Variants in CPEB3 observed in about 807,000 individuals in gnomAD.
CPEB3 encodes the protein cytoplasmic polyadenylation element-binding protein 3.
Under a neutral mutation model 67.2 loss-of-function variants are expected in CPEB3, and 20 were observed. The ratio of observed to expected loss-of-function variants is 0.30; its 90% CI spans 0.21 to 0.43. CPEB3 has a LOEUF of 0.43. Ranked by LOEUF, CPEB3 falls within the 20% of genes least tolerant of loss-of-function variation. The pLI, the probability that CPEB3 is intolerant of heterozygous loss-of-function variation, is 1.00. For synonymous variants in CPEB3, 376 were observed against 393.1 expected (o/e 0.96, Z 0.51); for missense variants, 746 against 968.6 (o/e 0.77, Z 3.05).
chr10:92,161,305 C>G (rs1702929759), intron 4 of CPEB3, among the ~76,000 whole-genome samples: 2 of 151,592 alleles, frequency 1.3e-5, no homozygotes, highest in South Asian at 4.2e-4. Flanking sequence ...GAGTTTCGCC[C>G]TTGTTGCCCA....
At chr10:92,238,463 G>A (rs1851645599) in intron 2 of CPEB3, among the ~76,000 whole-genome samples, 1 of 152,040 alleles carries the variant, frequency 6.6e-6, no homozygotes, top group Non-Finnish European at 1.5e-5. Flanking sequence ...CATTAAAGTT[G>A]CAAGACTTTC....
intron 4 of CPEB3, among the ~76,000 whole-genome samples, chr10:92,155,060 T>TTAG (rs1847140314): frequency 6.6e-6 from 1 of 152,034 alleles, no homozygotes; most frequent in Admixed American, 6.6e-5. Context: ...AATACAAAAA[T>TTAG]TAGCCGGGTA....
intron 6 of CPEB3, among the ~76,000 whole-genome samples, chr10:92,120,506 C>T (rs891667614): frequency 7.9e-5 from 12 of 151,988 alleles, no homozygotes; most frequent in African/African-American, 2.9e-4. Flanking sequence ...ATGGCCAGAA[C>T]CCAGGAGGCG....
chr10:92,275,579 G>C lies in CPEB3; in HGVS notation c.-12+15347C>G, dbSNP rs374854277. ...CTCACTTAAAGTGTACAATTCAGTG[G>C]CTTTTAGTATATTCAGAGTTGTGCA... On this transcript the variant is annotated intron_variant, in intron 1 of 9. Coordinates refer to ENST00000265997, the MANE Select transcript of CPEB3 (RefSeq NM_014912.5). 2.0e-5 allele frequency among the ~76,000 whole-genome samples: 3 copies of C among 152,112 alleles called. No individual in the cohort carries two copies. In the East Asian group the frequency reaches 5.8e-4, roughly 29 times the overall value.
chr10:92,216,878 A>T, intron 2 of CPEB3: 1 of 1,244,256 alleles, frequency 8.0e-7, no homozygotes, highest in Admixed American at 1.9e-5. Context: ...GCCCACCCAC[A>T]CTGACGGCAT....
rs749285662 is a variant in CPEB3 at position 92,289,718 on chromosome 10, C to CAAAAAAAAAAAA, written c.-12+1196_-12+1207dup. Among the ~76,000 whole-genome samples the CAAAAAAAAAAAA allele has an allele frequency of 9.8e-3, 303 of 30,788 alleles. 25 individuals are homozygous for CAAAAAAAAAAAA. The highest frequency in any genetic ancestry group is 0.021 in the Admixed American group (34 of 1,614). The allele number at this position is 30,788 out of a possible 152,430, so 20.2% of individuals were successfully genotyped here. A position where few individuals can be genotyped will look rare whatever the true frequency, so the allele number is the denominator to read the frequency against. ...CAACATGGCGAGACCGCGTCTCTAC[C>CAAAAAAAAAAAA]AAAAAAAAAAAAAAATATATATATA... On this transcript the variant is annotated intron_variant, in intron 1 of 9. Coordinates refer to ENST00000265997, the MANE Select transcript of CPEB3 (RefSeq NM_014912.5).
At chr10:92,261,746 GC>G (rs1360325622) in intron 1 of CPEB3, among the ~76,000 whole-genome samples, 1 of 152,132 alleles carries the variant, frequency 6.6e-6, no homozygotes, top group African/African-American at 2.4e-5. Context: ...ACCACACCTA[GC>G]CTCTTTTTTC....
intron 4 of CPEB3, among the ~76,000 whole-genome samples, chr10:92,147,726 G>A (rs1037875829): frequency 3.9e-5 from 6 of 152,128 alleles, no homozygotes; most frequent in Non-Finnish European, 8.8e-5. Context: ...GGCGGGGAGA[G>A]ATTTTTAGAG....
Position 92,111,069 on chromosome 10 carries a change from T to C in CPEB3, c.1572+7A>G. ...GGAAAAGCAACAGCTGGCCATGTAT[T>C]ACTTACTGGCTTGTCCTTGATGGTG... On this transcript the variant is annotated splice_region_variant and intron_variant, in intron 7 of 9. Transcript: ENST00000265997. 6.3e-7 allele frequency: 1 copy of C among 1,581,922 alleles called. No homozygotes were observed. Among genetic ancestry groups the C allele is most frequent in the Non-Finnish European group, 8.7e-7 (1 of 1,150,640 alleles).
intron 6 of CPEB3, among the ~76,000 whole-genome samples, chr10:92,122,941 A>C (rs1313183081): frequency 6.6e-6 from 1 of 152,228 alleles, no homozygotes; most frequent in Non-Finnish European, 1.5e-5. Context: ...TCAGAACTAA[A>C]CATATTTCTT....
intron 1 of CPEB3, among the ~76,000 whole-genome samples, chr10:92,284,084 G>A (rs1334539230): frequency 6.9e-6 from 1 of 144,340 alleles, no homozygotes; most frequent in Non-Finnish European, 1.5e-5. Flanking sequence ...CTGTCACCAG[G>A]CTGGAGTGCA....
At chr10:92,088,850 GA>G in intron 8 of CPEB3, among the ~76,000 whole-genome samples, 1 of 152,204 alleles carries the variant, frequency 6.6e-6, no homozygotes, top group East Asian at 1.9e-4. Flanking sequence ...TCCATAACTA[GA>G]ATATCCCTTG....
At chr10:92,211,129 T>C (rs1052807816) in intron 2 of CPEB3, among the ~76,000 whole-genome samples, 3 of 152,174 alleles carry the variant, frequency 2.0e-5, no homozygotes, top group Non-Finnish European at 4.4e-5. Context: ...AGTGAGAATA[T>C]ATGTAAAATG....
intron 2 of CPEB3, among the ~76,000 whole-genome samples, chr10:92,198,275 G>A (rs1208805822): frequency 6.6e-6 from 1 of 152,092 alleles, no homozygotes; most frequent in East Asian, 1.9e-4. Context: ...ATTCTCTCTA[G>A]CCTTACATCC....
intron 3 of CPEB3, among the ~76,000 whole-genome samples, chr10:92,181,367 C>CAAAA (rs55896574): frequency 7.6e-3 from 723 of 94,528 alleles, no homozygotes; most frequent in Middle Eastern, 0.018. Context: ...ATTCAAGCAG[C>CAAAA]AAAAAAAAAA....
intron 4 of CPEB3, among the ~76,000 whole-genome samples, chr10:92,170,425 G>A (rs554735559): frequency 2.6e-5 from 4 of 152,090 alleles, no homozygotes; most frequent in Non-Finnish European, 4.4e-5. Context: ...AACAAACCTC[G>A]GTAAAGAATT....
chr10:92,059,329 A>AAAAAAAAAAAC (rs1195613594), intron 9 of CPEB3, among the ~76,000 whole-genome samples: 1 of 150,736 alleles, frequency 6.6e-6, no homozygotes, highest in African/African-American at 2.4e-5. Context: ...CTCTGTCAAA[A>AAAAAAAAAAAC]AAAAAACAAA....
At chr10:92,085,358 T>TGATC (rs906836611) in intron 8 of CPEB3, among the ~76,000 whole-genome samples, 1 of 152,212 alleles carries the variant, frequency 6.6e-6, no homozygotes, top group African/African-American at 2.4e-5. Flanking sequence ...AGATGCTCTG[T>TGATC]GATCCTAAGA....
chr10:92,139,621 GATA>G (rs1846296295), intron 6 of CPEB3, among the ~76,000 whole-genome samples: 1 of 152,184 alleles, frequency 6.6e-6, no homozygotes, highest in Non-Finnish European at 1.5e-5. Flanking sequence ...TCTTGTCTTT[GATA>G]GTACAACAGG....
Sources: allele counts gnomAD v4.1 joint callset (sites outside exome capture counted in the v4.1 genomes callset), GRCh38; gene constraint gnomAD v4.1.1; transcripts MANE v1.5; gene names NCBI Gene and HGNC (gene_info 2026-07-23, HGNC 2026-07-21).